C10orf143: variants seen among roughly 807,000 people sequenced by gnomAD.
C10orf143 encodes chromosome 10 open reading frame 143, also known as uncharacterized protein C10orf143.
intron 1 of C10orf143, among the ~76,000 whole-genome samples, chr10:130,110,079 C>G (rs1373564561): frequency 6.6e-6 from 1 of 152,120 alleles, no homozygotes; most frequent in Non-Finnish European, 1.5e-5. Flanking sequence ...TGTCACCTCC[C>G]ATCCTGCCTA....
At chr10:130,106,620 T>C (rs1356081831) in intron 1 of C10orf143, 2 of 1,350,666 alleles carry the variant, frequency 1.5e-6, no homozygotes, top group East Asian at 4.6e-5. Flanking sequence ...GAAGCCAAAA[T>C]GATCTTCAAG....
chr10:130,058,900 G>A (rs1246060982), downstream of C10orf143, among the ~76,000 whole-genome samples: 3 of 151,930 alleles, frequency 2.0e-5, no homozygotes, highest in East Asian at 1.9e-4. Context: ...ACATTTATTC[G>A]CTCTTCTGCA....
intron 3 of C10orf143, among the ~76,000 whole-genome samples, chr10:130,040,961 C>T (rs1478395327): frequency 1.3e-5 from 2 of 152,180 alleles, no homozygotes; most frequent in South Asian, 2.1e-4. Context: ...GGGCATGAAC[C>T]GGCATGGGAA....
rs1048414948 is a variant in C10orf143, at chr10:130,056,938, G to C, written c.298-20968C>G. Among the ~76,000 whole-genome samples, 1 of 151,908 alleles carries C rather than the reference G, an allele frequency of 6.6e-6. No individual in the cohort carries two copies. Among genetic ancestry groups the C allele is most frequent in the Non-Finnish European group, 1.5e-5 (1 of 67,982 alleles). On this transcript the variant is annotated intron_variant and NMD_transcript_variant, in intron 3 of 5. Transcript: ENST00000643056. This position sits in a 1 kb window ranked among gnomAD's most constrained non-coding sequence, Gnocchi z 4.6. The stretch of plus-strand genomic sequence containing the variant: ...GAGTCTCACTGTGTCTCCCAGGCTG[G>C]AGTAGGTGGCTCGATCATGGCTCAC...
chr10:130,091,085 C>T (rs1186087856), intron 1 of C10orf143, among the ~76,000 whole-genome samples: 1 of 152,182 alleles, frequency 6.6e-6, no homozygotes, highest in African/African-American at 2.4e-5. Flanking sequence ...GACAGACTGC[C>T]TCCTCAAGTG....
chr10:130,048,316 A>G (rs1212450603), intron 3 of C10orf143, among the ~76,000 whole-genome samples: 1 of 152,174 alleles, frequency 6.6e-6, no homozygotes, highest in Non-Finnish European at 1.5e-5. Flanking sequence ...GACAGAGGGT[A>G]AGAGCCCCAG....
intron 3 of C10orf143, among the ~76,000 whole-genome samples, chr10:130,073,993 C>T: frequency 6.6e-6 from 1 of 152,124 alleles, no homozygotes. Flanking sequence ...GTAAATCAGC[C>T]CTGTGTCTTA....
intron 1 of C10orf143, among the ~76,000 whole-genome samples, chr10:130,090,087 G>T (rs932367077): frequency 1.3e-5 from 2 of 152,182 alleles, no homozygotes; most frequent in African/African-American, 4.8e-5. Context: ...AAGGTTTGGG[G>T]CTTCAAACAA....
chr10:130,073,629 T>C (rs1861068623), intron 3 of C10orf143, among the ~76,000 whole-genome samples: 1 of 151,998 alleles, frequency 6.6e-6, no homozygotes, highest in Non-Finnish European at 1.5e-5. Flanking sequence ...GTTTTTTTTT[T>C]ATCAGAGTCT....
rs754299096 is a variant in C10orf143, at chr10:130,110,761, T to C, written c.12A>G (p.Leu4=). Residue 4 remains leucine (L), a synonymous_variant, in exon 1 of 4, where the codon TTA becomes TTG. Transcript: ENST00000637128. MDS[L]ALGRWRQRRA... is the part of the protein sequence containing the mutation. ...TCCGCTGTCGCCAGCGGCCGAGCGC[T>C]AAGCTGTCCATGCAGCCCCAGGGTC... 2.5e-6 allele frequency: 1 copy of C among 398,802 alleles called. No homozygotes were observed. Among genetic ancestry groups the C allele is most frequent in the Non-Finnish European group, 4.4e-6 (1 of 226,124 alleles). 24.7% of individuals were successfully genotyped at this position (398,802 alleles called of 1,614,324 possible). A position where few individuals can be genotyped will look rare whatever the true frequency, so the allele number is the denominator to read the frequency against.
intron 3 of C10orf143, among the ~76,000 whole-genome samples, chr10:130,053,823 C>T (rs1411700990): frequency 6.6e-6 from 1 of 152,210 alleles, no homozygotes; most frequent in Admixed American, 6.5e-5. Context: ...AGGAGGCTGG[C>T]CCAGCACCAA....
chr10:130,039,990 T>G (rs1385615833), intron 3 of C10orf143, among the ~76,000 whole-genome samples: 1 of 151,988 alleles, frequency 6.6e-6, no homozygotes, highest in Non-Finnish European at 1.5e-5. Context: ...CAGTGGGAGG[T>G]CTGGAAGCTC....
chr10:130,093,327 C>T (rs571896090), intron 1 of C10orf143, among the ~76,000 whole-genome samples: 37 of 152,134 alleles, frequency 2.4e-4, no homozygotes, highest in African/African-American at 7.5e-4. Flanking sequence ...AGGTAAATAA[C>T]GAAATTAAGG....
At chr10:130,067,950 C>T (rs1385658183) in intron 3 of C10orf143, 10 of 152,340 alleles carry the variant, frequency 6.6e-5, no homozygotes, top group African/African-American at 2.4e-4. Context: ...TCCTGGGAGC[C>T]GCGAGGGACA....
intron 1 of C10orf143, among the ~76,000 whole-genome samples, chr10:130,090,087 G>A (rs932367077): frequency 1.3e-5 from 2 of 152,182 alleles, no homozygotes; most frequent in Non-Finnish European, 2.9e-5. Context: ...AAGGTTTGGG[G>A]CTTCAAACAA....
chr10:130,041,007 G>A (rs774523943), intron 3 of C10orf143, among the ~76,000 whole-genome samples: 8 of 152,112 alleles, frequency 5.3e-5, no homozygotes, highest in Non-Finnish European at 1.2e-4. Flanking sequence ...CCCGCCACCG[G>A]CACTCCCAGA....
chr10:130,106,539 T>G, intron 1 of C10orf143: 1 of 1,596,476 alleles, frequency 6.3e-7, no homozygotes, highest in East Asian at 2.2e-5. Context: ...CAAAATGAAT[T>G]GATGGCGGAT....
downstream of C10orf143, among the ~76,000 whole-genome samples, chr10:130,060,510 G>C (rs1283829921): frequency 2.6e-5 from 4 of 152,166 alleles, no homozygotes; most frequent in Non-Finnish European, 5.9e-5. Context: ...CATGAAAAGA[G>C]TTACATGATG....
At chr10:130,036,839 G>GC (rs895912379) in intron 3 of C10orf143, among the ~76,000 whole-genome samples, 28 of 152,254 alleles carry the variant, frequency 1.8e-4, no homozygotes, top group African/African-American at 5.3e-4. Flanking sequence ...CAGCAGGTGG[G>GC]CAGGGTATGG....
Sources: gnomAD v4.1 joint callset for allele counts (sites outside exome capture counted in the v4.1 genomes callset) on GRCh38, gnomAD v4.1.1 for gene constraint, Gnocchi (gnomAD v3.1) non-coding constraint, MANE v1.5 for transcripts, NCBI Gene and HGNC (gene_info 2026-07-23, HGNC 2026-07-21) for gene names.